Variants in KMT2C observed in about 807,000 individuals in gnomAD.
KMT2C encodes the protein lysine methyltransferase 2C.
In KMT2C, 88 loss-of-function variants were observed where a neutral mutation model predicts 507.9. The observed-to-expected ratio is 0.17, with a 90% CI of 0.15 to 0.21. The LOEUF (loss-of-function observed/expected upper bound fraction) is 0.21. KMT2C is among the 10% of genes least tolerant of loss of function. The probability of loss-of-function intolerance (pLI) is 1.00; values close to 1 mark genes in which losing one functional copy is unlikely to be tolerated. For synonymous variants in KMT2C, 2,049 were observed against 2,080.8 expected (o/e 0.98, Z 0.42); for missense variants, 4,954 against 5,957.8 (o/e 0.83, Z 5.55).
At position 152,273,845 on chromosome 7, in the gene KMT2C, A is replaced by C. The variant is rs1331373096; in HGVS notation, c.872T>G (p.Leu291Arg). ...STERCAFCKHLGATIKCCEEK... is the reference protein window; with the variant it reads ...STERCAFCKHRGATIKCCEEK... The stretch of plus-strand genomic sequence containing the variant: ...TTCACAGCATTTGATAGTGGCTCCA[A>C]GGTGCTTACAAAATGCACATCGCTG... Residue 291 changes from leucine to arginine, a missense_variant, in exon 7 of 59, where the codon CTT becomes CGT. This residue lies in a region of KMT2C where 24 missense variants were observed against 82.7 expected (regional missense o/e 0.29). Coordinates refer to ENST00000262189, the MANE Select transcript of KMT2C (RefSeq NM_170606.3). 1 of 1,613,838 alleles carries C rather than the reference A, an allele frequency of 6.2e-7. No homozygotes were observed. The highest frequency in any genetic ancestry group is 8.5e-7 in the Non-Finnish European group (1 of 1,179,750).
At chr7:152,232,023 G>A (rs1393866204) in intron 16 of KMT2C, among the ~76,000 whole-genome samples, 1 of 151,964 alleles carries the variant, frequency 6.6e-6, no homozygotes, top group Non-Finnish European at 1.5e-5. Flanking sequence ...GGGACTACAG[G>A]TGCCTGCCAC....
chr7:152,393,010 T>C (rs1229192791), intron 1 of KMT2C, among the ~76,000 whole-genome samples: 1 of 152,074 alleles, frequency 6.6e-6, no homozygotes, highest in Non-Finnish European at 1.5e-5. Flanking sequence ...AGAGGGAGGA[T>C]TACTTGAGCC....
At chr7:152,238,041 G>C (rs2095314755) in intron 15 of KMT2C, among the ~76,000 whole-genome samples, 1 of 152,298 alleles carries the variant, frequency 6.6e-6, no homozygotes, top group African/African-American at 2.4e-5. Flanking sequence ...AGTTCTTCCA[G>C]TCATGAAAGA....
intron 1 of KMT2C, among the ~76,000 whole-genome samples, chr7:152,434,360 G>C (rs1160830365): frequency 6.6e-6 from 1 of 152,156 alleles, no homozygotes; most frequent in African/African-American, 2.4e-5. Flanking sequence ...ATAGTAAAAG[G>C]ACAGCGGGGC....
intron 6 of KMT2C, among the ~76,000 whole-genome samples, chr7:152,298,500 A>T (rs2096536353): frequency 1.3e-5 from 2 of 152,234 alleles, no homozygotes; most frequent in Admixed American, 6.5e-5. Context: ...ACATCTCTAA[A>T]GTTCTAGAAG....
intron 2 of KMT2C, among the ~76,000 whole-genome samples, chr7:152,339,545 T>C (rs2096970879): frequency 1.3e-5 from 2 of 152,234 alleles, no homozygotes; most frequent in South Asian, 4.1e-4. Flanking sequence ...AATGCAATTG[T>C]TTATCTTTGT....
chr7:152,305,246 G>A (rs1373248992), intron 6 of KMT2C, among the ~76,000 whole-genome samples: 1 of 152,144 alleles, frequency 6.6e-6, no homozygotes, highest in Non-Finnish European at 1.5e-5. Flanking sequence ...TCTGTCAGAG[G>A]TGATAAGTAC....
intron 52 of KMT2C, 68 bp downstream of exon 52, chr7:152,147,964 AC>A: frequency 6.9e-7 from 1 of 1,459,658 alleles, no homozygotes; most frequent in Non-Finnish European, 9.1e-7. Context: ...TGGAAAATTG[AC>A]AAAATACATT....
rs528411154 is a variant in KMT2C, at chr7:152,402,050, C to T, written c.161+33576G>A. 4.6e-4 allele frequency among the ~76,000 whole-genome samples: 27 copies of T among 58,114 alleles called. No individual in the cohort carries two copies. In the South Asian group the frequency reaches 0.015, roughly 32 times the overall value. The allele number at this position is 58,114 out of a possible 152,430, so 38.1% of individuals were successfully genotyped here. On this transcript the variant is annotated intron_variant, in intron 1 of 58. Transcript: ENST00000262189. ...GCTTGAACCCGGGCGGCAGAGGTTG[C>T]AGCAAGCCGAGATCGCGCCATTGCA...
chr7:152,423,824 T>C (rs2097793887), intron 1 of KMT2C, among the ~76,000 whole-genome samples: 1 of 152,190 alleles, frequency 6.6e-6, no homozygotes, highest in South Asian at 2.1e-4. Context: ...TGCTCAAATA[T>C]ATAAAGATCT....
At chr7:152,372,718 A>G (rs2097301571) in intron 1 of KMT2C, among the ~76,000 whole-genome samples, 1 of 152,196 alleles carries the variant, frequency 6.6e-6, no homozygotes. Flanking sequence ...TAAATATATA[A>G]AGCACTATCA....
intron 24 of KMT2C, among the ~76,000 whole-genome samples, chr7:152,206,696 C>T (rs527295514): frequency 1.3e-5 from 2 of 152,268 alleles, no homozygotes; most frequent in Admixed American, 6.5e-5. Context: ...AAGCCTACAA[C>T]TTCTGTATTG....
At chr7:152,343,450 G>GAAAAAAAAAAAA (rs200886066) in intron 2 of KMT2C, among the ~76,000 whole-genome samples, 1 of 72,460 alleles carries the variant, frequency 1.4e-5, no homozygotes, top group Non-Finnish European at 3.1e-5. Context: ...AAAAGACTGG[G>GAAAAAAAAAAAA]AAAAAAAAAA....
At position 152,435,790 on chromosome 7, in the gene KMT2C, A is replaced by G. The variant is rs1232682410; in HGVS notation, c.-4T>C. The G allele has an allele frequency of 3.0e-6, 4 of 1,353,112 alleles. No individual in the cohort carries two copies. Among genetic ancestry groups the G allele is most frequent in the Admixed American group, 3.1e-5 (1 of 32,286 alleles). 83.8% of individuals were successfully genotyped at this position (1,353,112 alleles called of 1,614,324 possible). ...TCTTGTCCTCCTCCGACGACATCCT[A>G]GTCACCAGGAAAGACACATGGATCC... is the stretch of plus-strand genomic sequence containing the variant. On this transcript the variant is annotated 5_prime_UTR_variant, in exon 1 of 59. Transcript: ENST00000262189.
chr7:152,415,741 G>A (rs1319441466), intron 1 of KMT2C, among the ~76,000 whole-genome samples: 1 of 151,642 alleles, frequency 6.6e-6, no homozygotes, highest in Non-Finnish European at 1.5e-5. Context: ...ATAGCTGGGC[G>A]TGGTGGTGGA....
chr7:152,256,874 C>T (rs1325231909), intron 9 of KMT2C, among the ~76,000 whole-genome samples: 1 of 152,110 alleles, frequency 6.6e-6, no homozygotes, highest in Non-Finnish European at 1.5e-5. Flanking sequence ...TTAGCAAAGA[C>T]GTAAGAAAAG....
At chr7:152,349,421 G>A (rs921003256) in intron 2 of KMT2C, among the ~76,000 whole-genome samples, 1 of 151,818 alleles carries the variant, frequency 6.6e-6, no homozygotes, top group East Asian at 1.9e-4. Flanking sequence ...TCCAGCCTGG[G>A]AATACAGAGC....
At chr7:152,182,754 C>A (rs989247882) in intron 35 of KMT2C, among the ~76,000 whole-genome samples, 160 bp from the exon 36 acceptor site, 1 of 152,130 alleles carries the variant, frequency 6.6e-6, no homozygotes, top group Non-Finnish European at 1.5e-5. Flanking sequence ...AATTACTCAT[C>A]ATGGTATGTT....
intron 27 of KMT2C, among the ~76,000 whole-genome samples, chr7:152,197,192 G>A (rs868687512): frequency 7.2e-5 from 11 of 152,234 alleles, no homozygotes; most frequent in Middle Eastern, 3.4e-3. Context: ...ACAAGTGGTC[G>A]GCTTTGGGAC....
Sources: gnomAD v4.1 joint callset for allele counts (sites outside exome capture counted in the v4.1 genomes callset) on GRCh38, gnomAD v4.1.1 for gene constraint, gnomAD v4.1.1 regional missense constraint, MANE v1.5 for transcripts, NCBI Gene and HGNC (gene_info 2026-07-23, HGNC 2026-07-21) for gene names.